AKAP19: variants seen among roughly 807,000 people sequenced by gnomAD.
AKAP19 encodes the protein small A-kinase anchoring protein.
the AKAP19 span, among the ~76,000 whole-genome samples, chr2:190,111,739 G>A: frequency 1.3e-5 from 2 of 152,030 alleles, no homozygotes; most frequent in Non-Finnish European, 2.9e-5. Context: ...CCTGGGGTTG[G>A]GGGGGAAAGA....
At chr2:189,983,150 G>A in the AKAP19 span, among the ~76,000 whole-genome samples, 1 of 152,144 alleles carries the variant, frequency 6.6e-6, no homozygotes, top group African/African-American at 2.4e-5. Context: ...GAGCCAGCAG[G>A]AACCTAATCT....
the AKAP19 span, among the ~76,000 whole-genome samples, chr2:189,892,746 C>T: frequency 8.5e-5 from 13 of 152,194 alleles, no homozygotes; most frequent in African/African-American, 3.1e-4. Flanking sequence ...TGCCCATTAG[C>T]AGAGCTTGAG....
At chr2:190,171,231 G>A in the AKAP19 span, among the ~76,000 whole-genome samples, 6 of 132,680 alleles carry the variant, frequency 4.5e-5, no homozygotes, top group African/African-American at 1.5e-4. Context: ...TAGAAAAAAA[G>A]TTAAAAAAAA....
chr2:190,166,802 A>G, the AKAP19 span, among the ~76,000 whole-genome samples: 1 of 152,238 alleles, frequency 6.6e-6, no homozygotes, highest in Non-Finnish European at 1.5e-5. Context: ...CAAACATTGT[A>G]GTAAAACATG....
the AKAP19 span, among the ~76,000 whole-genome samples, chr2:190,193,389 GTCT>G: frequency 6.6e-6 from 1 of 152,024 alleles, no homozygotes; most frequent in Non-Finnish European, 1.5e-5. Context: ...GTGGAGTTTT[GTCT>G]TCTTGGTAAT....
chr2:190,183,373 A>G, the AKAP19 span, among the ~76,000 whole-genome samples: 59 of 152,148 alleles, frequency 3.9e-4, no homozygotes, highest in Admixed American at 1.8e-3. Flanking sequence ...TCTTCTCCAT[A>G]AGGACATTAT....
the AKAP19 span, among the ~76,000 whole-genome samples, chr2:190,108,922 T>A: frequency 2.0e-5 from 3 of 151,930 alleles, no homozygotes; most frequent in African/African-American, 7.2e-5. Context: ...AAAGACTTCA[T>A]AGGTTGGCAA....
At chr2:189,988,018 G>A in the AKAP19 span, among the ~76,000 whole-genome samples, 1 of 151,948 alleles carries the variant, frequency 6.6e-6, no homozygotes, top group Non-Finnish European at 1.5e-5. Flanking sequence ...GTGGCGGGGG[G>A]CAGTGAATTG....
chr2:190,173,123 T>A, the AKAP19 span, among the ~76,000 whole-genome samples: 728 of 64,168 alleles, frequency 0.011, 5 homozygotes, highest in African/African-American at 0.025. Context: ...TCAAAAAAAA[T>A]AAAATAAAAT....
chr2:189,942,032 A>G, the AKAP19 span, among the ~76,000 whole-genome samples: 2 of 152,204 alleles, frequency 1.3e-5, no homozygotes, highest in Admixed American at 1.3e-4. Flanking sequence ...GATAAAATAG[A>G]CTACAAATCA....
At chr2:189,926,277 A>G in the AKAP19 span, among the ~76,000 whole-genome samples, 3 of 152,092 alleles carry the variant, frequency 2.0e-5, no homozygotes, top group African/African-American at 7.2e-5. Flanking sequence ...AATGATTTTT[A>G]CACTTTTTTT....
At chr2:190,073,502 G>A in the AKAP19 span, among the ~76,000 whole-genome samples, 4 of 151,762 alleles carry the variant, frequency 2.6e-5, no homozygotes, top group Non-Finnish European at 4.4e-5. Context: ...ACTGTGGGTC[G>A]CAATCAAAAT....
the AKAP19 span, among the ~76,000 whole-genome samples, chr2:190,017,983 G>A: frequency 6.6e-6 from 1 of 152,080 alleles, no homozygotes; most frequent in African/African-American, 2.4e-5. Context: ...CTCTCTCATG[G>A]TCTGTAAGGT....
At chr2:189,888,583 T>C in the AKAP19 span, among the ~76,000 whole-genome samples, 1 of 152,094 alleles carries the variant, frequency 6.6e-6, no homozygotes, top group Non-Finnish European at 1.5e-5. Flanking sequence ...GCATGGAATG[T>C]TTTTCCATTT....
chr2:189,965,952 A>G, the AKAP19 span, among the ~76,000 whole-genome samples: 17 of 149,814 alleles, frequency 1.1e-4, no homozygotes, highest in Non-Finnish European at 1.9e-4. Context: ...GTATGTATGT[A>G]TGTGTGTGTG....
the AKAP19 span, among the ~76,000 whole-genome samples, chr2:190,030,037 A>G: frequency 1.3e-5 from 2 of 152,226 alleles, no homozygotes; most frequent in Non-Finnish European, 2.9e-5. Flanking sequence ...TACCCTTCAG[A>G]AAAACAGATT....
the AKAP19 span, among the ~76,000 whole-genome samples, chr2:190,069,978 A>C: frequency 6.6e-6 from 1 of 152,248 alleles, no homozygotes; most frequent in Non-Finnish European, 1.5e-5. Flanking sequence ...TTTAATTTGC[A>C]AAGGCAATTT....
At chr2:189,949,736 A>C in the AKAP19 span, among the ~76,000 whole-genome samples, 2 of 145,636 alleles carry the variant, frequency 1.4e-5, no homozygotes, top group Admixed American at 1.4e-4. Context: ...GGTTAAAGTG[A>C]TTCTCCTGCC....
chr2:190,113,691 G>T, the AKAP19 span, among the ~76,000 whole-genome samples: 1 of 152,128 alleles, frequency 6.6e-6, no homozygotes. Context: ...TCTATCCCAG[G>T]AGTAGACAAT....
Sources: gnomAD v4.1 joint callset for allele counts (sites outside exome capture counted in the v4.1 genomes callset) on GRCh38, gnomAD v4.1.1 for gene constraint, MANE v1.5 for transcripts, NCBI Gene and HGNC (gene_info 2026-07-23, HGNC 2026-07-21) for gene names.